Variants in PTPRC observed in about 807,000 individuals in gnomAD.
PTPRC encodes receptor-type tyrosine-protein phosphatase C.
In PTPRC, 44 loss-of-function variants were observed where a neutral mutation model predicts 155.9. The observed-to-expected ratio is 0.28, with a 90% CI of 0.22 to 0.36. The LOEUF is 0.36. PTPRC is among the 10% of genes least tolerant of loss of function. The pLI is 1.00. For missense variants in PTPRC, 1,401 were observed against 1,564.6 expected, an observed-to-expected ratio of 0.90 and a Z score of 1.76; for synonymous variants, 525 against 533.1, an observed-to-expected ratio of 0.98 and a Z score of 0.21.
chr1:198,657,844 T>C (rs879798794), intron 2 of PTPRC: 1 of 152,196 alleles, frequency 6.6e-6, no homozygotes, highest in Non-Finnish European at 1.5e-5. Context: ...AAACACATTT[T>C]TTTTAGGTTT....
chr1:198,688,115 G>A (rs988179253), intron 2 of PTPRC, among the ~76,000 whole-genome samples: 2 of 151,496 alleles, frequency 1.3e-5, no homozygotes, highest in Non-Finnish European at 1.5e-5. Flanking sequence ...GTGTGTGCAC[G>A]CACATATTTG....
chr1:198,666,277 A>G (rs577393533), intron 2 of PTPRC, among the ~76,000 whole-genome samples: 11 of 150,554 alleles, frequency 7.3e-5, no homozygotes, highest in Admixed American at 6.0e-4. Flanking sequence ...TGTAGGGAGC[A>G]TTGTGGACAT....
intron 2 of PTPRC, among the ~76,000 whole-genome samples, chr1:198,664,408 C>G (rs1163758043): frequency 6.6e-6 from 1 of 152,172 alleles, no homozygotes; most frequent in Non-Finnish European, 1.5e-5. Flanking sequence ...TACTATCTTT[C>G]TGAGAGCACG....
chr1:198,704,161 A>C (rs1164059078), intron 7 of PTPRC, among the ~76,000 whole-genome samples: 1 of 152,140 alleles, frequency 6.6e-6, no homozygotes, highest in Non-Finnish European at 1.5e-5. Context: ...GACCTTTAAA[A>C]TATTTTTGGC....
At chr1:198,687,826 G>A (rs1290416137) in intron 2 of PTPRC, among the ~76,000 whole-genome samples, 1 of 151,766 alleles carries the variant, frequency 6.6e-6, no homozygotes, top group African/African-American at 2.4e-5. Context: ...TATTTCCTTA[G>A]GGGCATTGGC....
intron 15 of PTPRC, among the ~76,000 whole-genome samples, chr1:198,723,951 C>T (rs565630857): frequency 1.4e-3 from 216 of 152,304 alleles, no homozygotes; most frequent in Admixed American, 3.2e-3. Context: ...CAGTTATGAG[C>T]GGGCACTGCA....
chr1:198,650,086 A>C (rs1205842599), intron 2 of PTPRC, among the ~76,000 whole-genome samples: 1 of 151,834 alleles, frequency 6.6e-6, no homozygotes, highest in African/African-American at 2.4e-5. Context: ...AAAACCAAAC[A>C]AATTGGTAGG....
chr1:198,641,193 T>C (rs1662562524), intron 2 of PTPRC, among the ~76,000 whole-genome samples: 2 of 152,100 alleles, frequency 1.3e-5, no homozygotes, highest in African/African-American at 4.8e-5. Flanking sequence ...GAAAAACATA[T>C]ACAGATATAA....
chr1:198,658,739 G>C (rs919743063), intron 2 of PTPRC, among the ~76,000 whole-genome samples: 1 of 151,886 alleles, frequency 6.6e-6, no homozygotes, highest in African/African-American at 2.4e-5. Flanking sequence ...TTGCACTTCT[G>C]TTCTTATTAT....
intron 12 of PTPRC, among the ~76,000 whole-genome samples, chr1:198,715,185 C>G (rs979450721): frequency 6.6e-5 from 10 of 152,024 alleles, no homozygotes; most frequent in African/African-American, 2.2e-4. Context: ...TGCAGTCATG[C>G]GATCTCGGCT....
At chr1:198,676,724 G>C (rs1018828177) in intron 2 of PTPRC, among the ~76,000 whole-genome samples, 1 of 152,078 alleles carries the variant, frequency 6.6e-6, no homozygotes, top group Non-Finnish European at 1.5e-5. Flanking sequence ...TTCCTCCAAG[G>C]AACAAGGGGA....
At chr1:198,749,979 T>C (rs1038408982) in intron 28 of PTPRC, among the ~76,000 whole-genome samples, 5 of 151,886 alleles carry the variant, frequency 3.3e-5, no homozygotes, top group Admixed American at 6.6e-5. Context: ...CCCCACTTTT[T>C]TAATTAACTG....
rs777656053 is a variant in PTPRC at position 198,703,267 on chromosome 1, A to T, written c.584-31A>T. 236 of 1,611,472 alleles carry T rather than the reference A, an allele frequency of 1.5e-4. No homozygotes were observed. In the East Asian group the frequency reaches 5.1e-3, roughly 35 times the overall value. The stretch of plus-strand genomic sequence containing the variant: ...CACCTTTTAATATAACGAATTAATT[A>T]GCTTTTATTCTTCTATTCATTTTCT... On this transcript the variant is annotated intron_variant, in intron 6 of 32. Transcript: ENST00000442510.
intron 2 of PTPRC, among the ~76,000 whole-genome samples, chr1:198,663,089 G>A (rs1053083570): frequency 1.3e-5 from 2 of 152,140 alleles, no homozygotes; most frequent in Admixed American, 1.3e-4. Context: ...GATTTCTGAC[G>A]AGTCTATGAT....
intron 12 of PTPRC, among the ~76,000 whole-genome samples, 181 bp downstream of exon 12, chr1:198,713,253 T>C (rs935649095): frequency 2.0e-5 from 3 of 152,226 alleles, no homozygotes; most frequent in African/African-American, 7.2e-5. Context: ...CAGAAATGAC[T>C]AAAATCCAGA....
At chr1:198,684,791 G>T (rs1489913194) in intron 2 of PTPRC, among the ~76,000 whole-genome samples, 1 of 151,936 alleles carries the variant, frequency 6.6e-6, no homozygotes, top group African/African-American at 2.4e-5. Flanking sequence ...CTGAAAATAT[G>T]AATTGTAGTT....
At position 198,735,190 on chromosome 1, in the gene PTPRC, G is replaced by T. The variant is rs747600609; in HGVS notation, c.2341G>T (p.Val781Leu). The T allele has an allele frequency of 3.1e-6, 5 of 1,604,184 alleles. No homozygotes were observed. In the African/African-American group the frequency reaches 6.7e-5, roughly 22 times the overall value. ...EGTRAFGDVV[V>L]KINQHKRCPD... Reference sequence around the variant, plus strand: ...CACTCGGGCTTTTGGAGATGTTGTTGTAAAGATCAACCAGCACAAAAGATG... The same window carrying T: ...CACTCGGGCTTTTGGAGATGTTGTTTTAAAGATCAACCAGCACAAAAGATG... The change falls in exon 23 of 33, where the codon GTA (valine) becomes TTA (leucine). Residue 781 changes from valine (V) to leucine (L), a missense_variant. Val to Leu is a conservative substitution (Grantham distance 32, BLOSUM62 1). Coordinates refer to ENST00000442510, the MANE Select transcript of PTPRC (RefSeq NM_002838.5).
intron 2 of PTPRC, among the ~76,000 whole-genome samples, chr1:198,642,066 C>T (rs1267345327): frequency 6.6e-6 from 1 of 151,934 alleles, no homozygotes; most frequent in East Asian, 1.9e-4. Flanking sequence ...CTGCCTGTGA[C>T]CTTTATCATT....
Position 198,696,853 on chromosome 1 carries a change from C to T in PTPRC, c.242C>T (p.Thr81Ile), listed in dbSNP as rs1329360713. ...ETTTSLSPDN[T>I]STQVSPDSLD... ...ACAACTTCTCTTAGTCCAGACAATA[C>T]TTCCACCCAAGTATCCCCGGACTCT... The change falls in exon 4 of 33, where the codon ACT (threonine) becomes ATT (isoleucine). Residue 81 changes from threonine to isoleucine, a missense_variant. Physicochemically the swap from Thr to Ile is moderately conservative, Grantham distance 89. Around this residue, in one of 3 missense-constraint regions of PTPRC, gnomAD observed 867 missense variants for 970.4 expected, o/e 0.89. Coordinates refer to ENST00000442510, the MANE Select transcript of PTPRC (RefSeq NM_002838.5). The T allele has an allele frequency of 2.5e-6, 4 of 1,614,126 alleles. No homozygotes were observed. Among genetic ancestry groups the T allele is most frequent in the Admixed American group, 3.3e-5 (2 of 60,024 alleles).
Sources: gnomAD v4.1 joint callset for allele counts (sites outside exome capture counted in the v4.1 genomes callset) on GRCh38, gnomAD v4.1.1 for gene constraint, gnomAD v4.1.1 regional missense constraint, MANE v1.5 for transcripts, NCBI Gene and HGNC (gene_info 2026-07-23, HGNC 2026-07-21) for gene names.